Variants in LRRC7 observed in about 807,000 individuals in gnomAD.
LRRC7 encodes the protein leucine rich repeat containing 7, also known as leucine-rich repeat-containing protein 7.
In LRRC7, 23 loss-of-function variants were observed where a neutral mutation model predicts 175.7. The ratio of observed to expected loss-of-function variants is 0.13; its 90% CI spans 0.09 to 0.19. The LOEUF is 0.19. LRRC7 is among the 10% of genes least tolerant of loss of function. The pLI, the probability that LRRC7 is intolerant of heterozygous loss-of-function variation, is 1.00. For missense variants in LRRC7, 1,354 were observed against 1,904.7 expected (o/e 0.71, Z 5.38); for synonymous variants, 685 against 680.9 (o/e 1.01, Z -0.09).
At chr1:70,072,121 T>C (rs141727463) in intron 23 of LRRC7, among the ~76,000 whole-genome samples, 70 of 152,320 alleles carry the variant, frequency 4.6e-4, no homozygotes, top group African/African-American at 1.6e-3. Context: ...CAAAACAACA[T>C]ACTCCATCAC....
chr1:69,888,164 C>T lies in LRRC7; in HGVS notation c.648-43343C>T, dbSNP rs1269945702. Among the ~76,000 whole-genome samples the T allele has an allele frequency of 7.1e-3, 1,073 of 150,218 alleles. 10 individuals carry two copies. The highest frequency in any genetic ancestry group is 0.024 in the African/African-American group (993 of 40,644). ...GCTCCACCCAGTTTGAGCTTCCTGG[C>T]TGCTTTGTTTACCTAAGCAAGCCTG... On this transcript the variant is annotated intron_variant, in intron 7 of 26. Coordinates refer to ENST00000651989, the MANE Select transcript of LRRC7 (RefSeq NM_001370785.2).
At chr1:69,805,944 G>A (rs1677066555) in intron 4 of LRRC7, among the ~76,000 whole-genome samples, 1 of 151,766 alleles carries the variant, frequency 6.6e-6, no homozygotes, top group Non-Finnish European at 1.5e-5. Context: ...TACATAAACT[G>A]ATCAATTTTC....
Position 69,653,284 on chromosome 1 carries a change from T to TC in LRRC7, c.3-25097_3-25096insC, listed in dbSNP as rs373161838. ...AAAAGTGGGCAAATAATTTAAAAAC[T>TC]TTTTTTTAATTTTTTTATTATTATA... On this transcript the variant is annotated intron_variant, in intron 1 of 26. Coordinates refer to ENST00000651989, the MANE Select transcript of LRRC7 (RefSeq NM_001370785.2). Among the ~76,000 whole-genome samples the TC allele has an allele frequency of 7.2e-3, 246 of 34,320 alleles. 2 individuals carry two copies. Among genetic ancestry groups the TC allele is most frequent in the African/African-American group, 0.04 (240 of 5,934 alleles). The allele number at this position is 34,320 out of a possible 152,430, so 22.5% of individuals were successfully genotyped here. A position where few individuals can be genotyped will look rare whatever the true frequency, so the allele number is the denominator to read the frequency against.
chr1:70,035,271 T>G (rs1251179255), intron 18 of LRRC7, among the ~76,000 whole-genome samples: 1 of 152,080 alleles, frequency 6.6e-6, no homozygotes, highest in Non-Finnish European at 1.5e-5. Flanking sequence ...TAGAAGAAAG[T>G]GAGAATTTGG....
chr1:69,753,407 G>A (rs531424349), intron 2 of LRRC7, among the ~76,000 whole-genome samples: 15 of 151,220 alleles, frequency 9.9e-5, no homozygotes, highest in South Asian at 6.3e-4. Flanking sequence ...ATGCAGAGTC[G>A]GCTAACAGGA....
intron 9 of LRRC7, among the ~76,000 whole-genome samples, chr1:69,984,573 G>A (rs144605855): frequency 1.4e-4 from 21 of 152,162 alleles, no homozygotes; most frequent in East Asian, 1.4e-3. Context: ...CCTCTAGTCC[G>A]TGTCCCGCCC....
At chr1:69,687,124 T>C (rs545877472) in intron 2 of LRRC7, among the ~76,000 whole-genome samples, 2 of 152,330 alleles carry the variant, frequency 1.3e-5, no homozygotes, top group African/African-American at 4.8e-5. Flanking sequence ...ATCTTTTTAT[T>C]GATTTATCTT....
intron 5 of LRRC7, among the ~76,000 whole-genome samples, chr1:69,834,477 T>A (rs1443148874): frequency 3.9e-5 from 6 of 152,076 alleles, no homozygotes; most frequent in Non-Finnish European, 1.5e-5. Context: ...CCATGAAAAA[T>A]GTCCTGGCTA....
intron 1 of LRRC7, among the ~76,000 whole-genome samples, chr1:69,655,308 G>A (rs554982674): frequency 9.9e-5 from 15 of 152,056 alleles, no homozygotes; most frequent in African/African-American, 2.2e-4. Flanking sequence ...CTACTACCAC[G>A]TAGGCGGCTG....
At chr1:69,804,024 A>G (rs1355065465) in intron 4 of LRRC7, among the ~76,000 whole-genome samples, 1 of 151,122 alleles carries the variant, frequency 6.6e-6, no homozygotes, top group Non-Finnish European at 1.5e-5. Flanking sequence ...ATTAATTTCT[A>G]CTTTCTACTG....
At chr1:69,639,760 G>T (rs895621525) in intron 1 of LRRC7, among the ~76,000 whole-genome samples, 1 of 151,650 alleles carries the variant, frequency 6.6e-6, no homozygotes, top group Non-Finnish European at 1.5e-5. Flanking sequence ...TAAATCATAA[G>T]AAATTAAATT....
chr1:69,882,723 C>A (rs981637097), intron 7 of LRRC7, among the ~76,000 whole-genome samples: 2 of 150,814 alleles, frequency 1.3e-5, no homozygotes, highest in Middle Eastern at 3.4e-3. Context: ...ACTAACCCGT[C>A]ATCTAGCATT....
At chr1:69,693,340 T>A (rs1384825159) in intron 2 of LRRC7, among the ~76,000 whole-genome samples, 1 of 152,190 alleles carries the variant, frequency 6.6e-6, no homozygotes. Context: ...TTAGTCACTG[T>A]TCTCAGGAGA....
chr1:69,994,574 A>G lies in LRRC7; in HGVS notation c.945A>G (p.Lys315=), dbSNP rs181489989. 3.7e-6 allele frequency: 6 copies of G among 1,609,386 alleles called. No homozygotes were observed. The East Asian group carries it at 1.3e-4, about 36-fold the overall frequency. The change falls in exon 11 of 27, where the codon AAA becomes AAG. Residue 315 remains lysine (K), a synonymous_variant. Transcript: ENST00000651989. ...TCTCTGCTTTAGGACTTTTGAAAAA[A>G]CTAACAACTCTAAAAGTAGATGACA... is the stretch of plus-strand genomic sequence containing the variant. ...QLPDSIGLLK[K]LTTLKVDDNQ...
At chr1:69,978,864 T>C (rs538524903) in intron 8 of LRRC7, among the ~76,000 whole-genome samples, 1 of 151,746 alleles carries the variant, frequency 6.6e-6, no homozygotes, top group African/African-American at 2.4e-5. Context: ...TGGAACCTAA[T>C]TAGATTCCAG....
intron 1 of LRRC7, among the ~76,000 whole-genome samples, chr1:69,650,367 C>T (rs1655619298): frequency 6.6e-6 from 1 of 151,510 alleles, no homozygotes; most frequent in African/African-American, 2.4e-5. Flanking sequence ...GGTGAAAACC[C>T]GTCTCTACTA....
At chr1:69,744,872 A>T (rs889428649) in intron 2 of LRRC7, among the ~76,000 whole-genome samples, 3 of 151,900 alleles carry the variant, frequency 2.0e-5, no homozygotes, top group Non-Finnish European at 4.4e-5. Flanking sequence ...ACACAACCAA[A>T]TAAAAGATAA....
At chr1:69,776,388 C>T (rs541704075) in intron 3 of LRRC7, among the ~76,000 whole-genome samples, 1 of 152,088 alleles carries the variant, frequency 6.6e-6, no homozygotes, top group African/African-American at 2.4e-5. Context: ...GATAGTTGCA[C>T]TTTCCAGAAA....
chr1:69,827,023 G>C (rs17131035), intron 5 of LRRC7, among the ~76,000 whole-genome samples: 1,826 of 152,004 alleles, frequency 0.012, 31 homozygotes, highest in African/African-American at 0.041. Context: ...AAAACATCAA[G>C]CAACAAAATG....
Sources: allele counts gnomAD v4.1 joint callset (sites outside exome capture counted in the v4.1 genomes callset), GRCh38; gene constraint gnomAD v4.1.1; transcripts MANE v1.5; gene names NCBI Gene and HGNC (gene_info 2026-07-23, HGNC 2026-07-21).